Variants in LRGUK observed in about 807,000 individuals in gnomAD.
LRGUK encodes the protein leucine-rich repeat and guanylate kinase domain-containing protein.
In LRGUK, 65 loss-of-function variants were observed where a neutral mutation model predicts 76.0. The ratio of observed to expected loss-of-function variants is 0.85; its 90% CI spans 0.70 to 1.05. The LOEUF (loss-of-function observed/expected upper bound fraction) is 1.05. LRGUK is among the 50% of genes least tolerant of loss of function. LRGUK has a pLI of 0.00. For synonymous variants in LRGUK, 268 were observed against 265.6 expected, an observed-to-expected ratio of 1.01 and a Z score of -0.09; for missense variants, 758 against 732.8, an observed-to-expected ratio of 1.03 and a Z score of -0.40.
intron 15 of LRGUK, among the ~76,000 whole-genome samples, chr7:134,219,742 C>G (rs1396288054): frequency 1.3e-5 from 2 of 152,100 alleles, no homozygotes; most frequent in African/African-American, 2.4e-5. Context: ...CTCAGCCACA[C>G]TGAATTCTTT....
chr7:134,142,780 A>G (rs747613954), intron 3 of LRGUK, among the ~76,000 whole-genome samples: 3 of 152,246 alleles, frequency 2.0e-5, no homozygotes, highest in Non-Finnish European at 4.4e-5. Flanking sequence ...CATGCGGAAG[A>G]GGCCGCAGGG....
exon 18 of LRGUK, chr7:134,249,023 T>C: frequency 6.2e-7 from 1 of 1,603,104 alleles, no homozygotes; most frequent in South Asian, 1.1e-5. Context: ...GGAAAAGTTT[T>C]GATCTTTGTG....
rs147904976 is a variant in LRGUK at position 134,135,941 on chromosome 7, C to A, written c.298-1082C>A. Among the ~76,000 whole-genome samples the A allele has an allele frequency of 9.5e-4, 144 of 152,342 alleles. 2 individuals carry two copies. In the East Asian group the frequency reaches 0.027, roughly 28 times the overall value. ...AAAGTGCTGGGATTACAGGCGTGAGCCACCGCGCCCGGCAAGAAGCTCTTT... is the reference window on the plus strand; with the variant it reads ...AAAGTGCTGGGATTACAGGCGTGAGACACCGCGCCCGGCAAGAAGCTCTTT... On this transcript the variant is annotated intron_variant, in intron 1 of 15. Transcript: ENST00000645682.
At chr7:134,267,387 T>G (rs540048185), downstream of LRGUK, among the ~76,000 whole-genome samples, 1 of 152,138 alleles carries the variant, frequency 6.6e-6, no homozygotes, top group African/African-American at 2.4e-5. Flanking sequence ...GACATAAAGA[T>G]GGCAACAATA....
At chr7:134,196,873 G>A in intron 12 of LRGUK, 119 bp from the exon 13 acceptor site, 1 of 570,884 alleles carries the variant, frequency 1.8e-6, no homozygotes. Context: ...TCCTTATATA[G>A]TTGCTAAAAT....
Position 134,243,289 on chromosome 7 carries a change from T to G in LRGUK, c.1984-4267T>G, listed in dbSNP as rs146630580. Among the ~76,000 whole-genome samples, 190 of 152,158 alleles carry G rather than the reference T, an allele frequency of 1.2e-3. 3 individuals are homozygous for G. The East Asian group carries it at 0.028, about 23-fold the overall frequency. On this transcript the variant is annotated intron_variant, in intron 16 of 19. Coordinates refer to the LRGUK transcript ENST00000285928. ...GTCCCTGTTTGCAGATGACATGATT[T>G]TATATTTAGAAAACCCCATCGTCTC...
intron 19 of LRGUK, among the ~76,000 whole-genome samples, chr7:134,260,166 T>C (rs1802685249): frequency 6.6e-6 from 1 of 152,084 alleles, no homozygotes; most frequent in African/African-American, 2.4e-5. Flanking sequence ...TGTCGTATAA[T>C]AATATGGTAT....
chr7:134,148,298 C>G (rs1160596337), exon 5 of LRGUK: 1 of 1,590,582 alleles, frequency 6.3e-7, no homozygotes, highest in Non-Finnish European at 8.5e-7. Flanking sequence ...GTATCATGCT[C>G]TCACTAAACT....
intron 7 of LRGUK, among the ~76,000 whole-genome samples, chr7:134,172,015 G>T (rs1799275734): frequency 6.6e-6 from 1 of 152,162 alleles, no homozygotes; most frequent in Non-Finnish European, 1.5e-5. Flanking sequence ...AGGAAGGGAA[G>T]ATGGGTCCCT....
intron 2 of LRGUK, 67 bp from the exon 3 acceptor site, chr7:134,139,369 A>G: frequency 1.0e-6 from 1 of 994,990 alleles, no homozygotes; most frequent in Non-Finnish European, 1.5e-6. Flanking sequence ...ATCAAGAGTT[A>G]TTGCAAGAAG....
At chr7:134,161,273 C>A (rs1798719526) in intron 6 of LRGUK, among the ~76,000 whole-genome samples, 1 of 151,964 alleles carries the variant, frequency 6.6e-6, no homozygotes, top group African/African-American at 2.4e-5. Context: ...GGTCTTATTG[C>A]AGTATGTTAA....
At chr7:134,147,320 A>G (rs1303344982) in intron 4 of LRGUK, among the ~76,000 whole-genome samples, 1 of 152,050 alleles carries the variant, frequency 6.6e-6, no homozygotes, top group African/African-American at 2.4e-5. Flanking sequence ...CTATAGTCCC[A>G]GCTGCTCAGA....
chr7:134,169,186 A>ACG (rs1455964243), intron 7 of LRGUK, among the ~76,000 whole-genome samples: 50 of 79,634 alleles, frequency 6.3e-4, no homozygotes, highest in African/African-American at 2.0e-3. Context: ...ACACACACAC[A>ACG]CACACACACT....
At chr7:134,270,123 A>T in the LRGUK span, among the ~76,000 whole-genome samples, 1 of 152,202 alleles carries the variant, frequency 6.6e-6, no homozygotes, top group African/African-American at 2.4e-5. Context: ...TAAAAAGAAT[A>T]CACATTACAA....
chr7:134,132,229 C>T (rs577604073), intron 1 of LRGUK, among the ~76,000 whole-genome samples: 1 of 152,224 alleles, frequency 6.6e-6, no homozygotes. Flanking sequence ...GTGGTATGCA[C>T]CTGTAGTCCC....
In LRGUK at chr7:134,134,060, TA is replaced by T. The variant is rs34615919; in HGVS notation, c.298-2953del. Among the ~76,000 whole-genome samples, 228 of 145,692 alleles carry T rather than the reference TA, an allele frequency of 1.6e-3. 1 individual carries two copies. Among genetic ancestry groups the T allele is most frequent in the African/African-American group, 5.3e-3 (207 of 39,080 alleles). The stretch of plus-strand genomic sequence containing the variant: ...CCAGGTGACAGAGCGAGACCATGCC[TA>T]AAAAAAAAAGAAAAAGAAAAAAAGA... On this transcript the variant is annotated intron_variant, in intron 1 of 15. Coordinates refer to ENST00000645682, the Ensembl canonical transcript of LRGUK.
intron 15 of LRGUK, among the ~76,000 whole-genome samples, chr7:134,217,308 A>G (rs569342815): frequency 1.3e-5 from 2 of 152,106 alleles, no homozygotes; most frequent in South Asian, 4.1e-4. Context: ...TTTGTACTTT[A>G]TTTGCTCTTA....
chr7:134,179,130 C>G (rs1424177987), intron 10 of LRGUK, among the ~76,000 whole-genome samples: 2 of 152,068 alleles, frequency 1.3e-5, no homozygotes, highest in Admixed American at 1.3e-4. Context: ...CCCAGCTAGC[C>G]TAAGGAAAAC....
chr7:134,152,277 A>T (rs1184493906), intron 5 of LRGUK, among the ~76,000 whole-genome samples: 2 of 152,066 alleles, frequency 1.3e-5, no homozygotes. Context: ...AAGAAACACC[A>T]TTTATAAAAA....
Sources: gnomAD v4.1 joint callset for allele counts (sites outside exome capture counted in the v4.1 genomes callset) on GRCh38, gnomAD v4.1.1 for gene constraint, MANE v1.5 for transcripts, NCBI Gene and HGNC (gene_info 2026-07-23, HGNC 2026-07-21) for gene names.